PRDM5: variants seen among roughly 807,000 people sequenced by gnomAD.
The protein encoded by PRDM5 is PR domain zinc finger protein 5.
Under a neutral mutation model 81.2 loss-of-function variants are expected in PRDM5, and 56 were observed. The ratio of observed to expected loss-of-function variants is 0.69; its 90% CI spans 0.56 to 0.86. The LOEUF is 0.86. Ranked by LOEUF, PRDM5 falls within the 40% of genes least tolerant of loss-of-function variation. The probability of loss-of-function intolerance (pLI) is 0.00; values close to 1 mark genes in which losing one functional copy is unlikely to be tolerated. For synonymous variants in PRDM5, 267 were observed against 256.4 expected, an observed-to-expected ratio of 1.04 and a Z score of -0.39; for missense variants, 697 against 770.1, an observed-to-expected ratio of 0.91 and a Z score of 1.12.
chr4:120,702,425 T>C (rs1393744609), intron 15 of PRDM5, among the ~76,000 whole-genome samples: 4 of 152,200 alleles, frequency 2.6e-5, no homozygotes, highest in Non-Finnish European at 5.9e-5. Flanking sequence ...ATCTGCCAGG[T>C]GATGGTTGGT....
chr4:120,709,214 A>G (rs11721869), intron 15 of PRDM5, among the ~76,000 whole-genome samples: 33,141 of 152,080 alleles, frequency 0.22, 3,876 homozygotes, highest in Non-Finnish European at 0.28. Flanking sequence ...TACTTGTGTC[A>G]CAGTACAATT....
At chr4:120,700,099 C>G (rs1735144129) in intron 15 of PRDM5, among the ~76,000 whole-genome samples, 1 of 152,080 alleles carries the variant, frequency 6.6e-6, no homozygotes, top group Non-Finnish European at 1.5e-5. Flanking sequence ...AAATCAGACA[C>G]ATACACCAAT....
intron 2 of PRDM5, among the ~76,000 whole-genome samples, chr4:120,873,012 AT>A (rs929340859): frequency 1.4e-5 from 1 of 73,778 alleles, no homozygotes; most frequent in Non-Finnish European, 2.8e-5. Context: ...TTTTTATTTT[AT>A]TTTTTTGAGA....
chr4:120,778,591 T>C (rs1273861419), intron 12 of PRDM5, among the ~76,000 whole-genome samples: 1 of 152,204 alleles, frequency 6.6e-6, no homozygotes, highest in Non-Finnish European at 1.5e-5. Flanking sequence ...ATTTATAATT[T>C]TTAAAGAGCT....
intron 1 of PRDM5, among the ~76,000 whole-genome samples, chr4:120,918,173 A>AC (rs1724435022): frequency 6.6e-6 from 1 of 152,254 alleles, no homozygotes; most frequent in Non-Finnish European, 1.5e-5. Flanking sequence ...AGAAAATGTT[A>AC]GAGTAGTTAC....
intron 14 of PRDM5, among the ~76,000 whole-genome samples, chr4:120,738,296 T>C (rs897962251): frequency 6.6e-6 from 1 of 152,242 alleles, no homozygotes; most frequent in African/African-American, 2.4e-5. Context: ...TTTCAGACTC[T>C]ACCGTTGTCA....
At chr4:120,839,884 G>A (rs754505435) in intron 3 of PRDM5, among the ~76,000 whole-genome samples, 12 of 152,202 alleles carry the variant, frequency 7.9e-5, no homozygotes, top group African/African-American at 1.4e-4. Context: ...CTGAGGCAGC[G>A]GGGAGCTGAG....
At chr4:120,777,587 A>G (rs923945852) in intron 12 of PRDM5, among the ~76,000 whole-genome samples, 1 of 152,104 alleles carries the variant, frequency 6.6e-6, no homozygotes, top group Non-Finnish European at 1.5e-5. Flanking sequence ...AAAAGCACAT[A>G]ATCAAAATAG....
intron 1 of PRDM5, among the ~76,000 whole-genome samples, chr4:120,922,075 C>T (rs1317595061): frequency 6.6e-6 from 1 of 152,210 alleles, no homozygotes; most frequent in Non-Finnish European, 1.5e-5. Context: ...ATTAATTCAT[C>T]CTAAAGGAAA....
chr4:120,798,222 A>T, intron 10 of PRDM5, 45 bp downstream of exon 10: 1 of 1,388,596 alleles, frequency 7.2e-7, no homozygotes, highest in Non-Finnish European at 9.7e-7. Flanking sequence ...TGAAAATCAC[A>T]GCAGCAAATT....
At chr4:120,735,829 C>G (rs1387497890) in intron 14 of PRDM5, among the ~76,000 whole-genome samples, 1 of 152,036 alleles carries the variant, frequency 6.6e-6, no homozygotes, top group Non-Finnish European at 1.5e-5. Context: ...GGCTCAGGCT[C>G]AAGAAAAGAG....
intron 14 of PRDM5, among the ~76,000 whole-genome samples, chr4:120,747,149 T>C (rs1410617672): frequency 3.3e-5 from 5 of 149,806 alleles, no homozygotes; most frequent in East Asian, 4.0e-4. Context: ...ATGGATGAAA[T>C]TGGAAACCAT....
intron 2 of PRDM5, among the ~76,000 whole-genome samples, chr4:120,904,536 T>C (rs1281913889): frequency 1.3e-5 from 2 of 152,060 alleles, no homozygotes; most frequent in African/African-American, 4.8e-5. Flanking sequence ...ATCGTGTGAG[T>C]GTACCATTAC....
At chr4:120,809,482 C>T (rs1001796838) in intron 8 of PRDM5, among the ~76,000 whole-genome samples, 1 of 151,722 alleles carries the variant, frequency 6.6e-6, no homozygotes, top group Non-Finnish European at 1.5e-5. Flanking sequence ...TTAATTATGC[C>T]AAATGCTAAA....
intron 2 of PRDM5, among the ~76,000 whole-genome samples, chr4:120,869,905 A>C (rs1297215665): frequency 6.6e-6 from 1 of 152,180 alleles, no homozygotes; most frequent in African/African-American, 2.4e-5. Flanking sequence ...CCATGCATGA[A>C]CTACAGAATT....
chr4:120,785,008 T>C lies in PRDM5; in HGVS notation c.1272A>G (p.Leu424=), dbSNP rs1049246932. Residue 424 remains leucine (L), a synonymous_variant, in exon 11 of 16, where the codon CTA becomes CTG. Transcript: ENST00000264808. ...RTPFSLQRHL[L]IHNSERTFKC... is the part of the protein sequence containing the mutation. ...TGAATCGTGACTTACTGTTATGTAT[T>C]AGCAGGTGTCTCTGTAAAGAAAATG... 2.6e-5 allele frequency: 42 copies of C among 1,595,182 alleles called. No individual in the cohort carries two copies. The highest frequency in any genetic ancestry group is 3.6e-5 in the Non-Finnish European group (42 of 1,162,932).
intron 13 of PRDM5, chr4:120,762,501 G>A (rs1511312): frequency 2.6e-5 from 4 of 152,148 alleles, no homozygotes; most frequent in Admixed American, 2.6e-4. Context: ...TTGTAGACTA[G>A]GAAATGGTTA....
At chr4:120,699,846 G>A (rs539496836) in intron 15 of PRDM5, among the ~76,000 whole-genome samples, 1 of 152,074 alleles carries the variant, frequency 6.6e-6, no homozygotes, top group Non-Finnish European at 1.5e-5. Flanking sequence ...ACTGCTCAAA[G>A]CAATCTACAG....
intron 8 of PRDM5, among the ~76,000 whole-genome samples, chr4:120,803,989 A>T (rs1225330448): frequency 6.6e-6 from 1 of 152,206 alleles, no homozygotes; most frequent in Non-Finnish European, 1.5e-5. Context: ...AATAGGCTCA[A>T]AATAAAGGGA....
Sources: gnomAD v4.1 joint callset for allele counts (sites outside exome capture counted in the v4.1 genomes callset) on GRCh38, gnomAD v4.1.1 for gene constraint, MANE v1.5 for transcripts, NCBI Gene and HGNC (gene_info 2026-07-23, HGNC 2026-07-21) for gene names.